MYLK: variants seen among roughly 807,000 people sequenced by gnomAD.
MYLK encodes the protein myosin light chain kinase.
In MYLK, 106 loss-of-function variants were observed where a neutral mutation model predicts 203.4. That is an observed-to-expected ratio of 0.52 (90% confidence interval 0.45 to 0.61). The LOEUF is 0.61. MYLK is among the 20% of genes least tolerant of loss of function. The pLI is 0.00. For synonymous variants in MYLK, 867 were observed against 959.5 expected (o/e 0.90, Z 1.78); for missense variants, 2,072 against 2,442.3 (o/e 0.85, Z 3.20).
intron 20 of MYLK, among the ~76,000 whole-genome samples, chr3:123,669,516 A>T (rs1220193806): frequency 6.6e-6 from 1 of 151,892 alleles, no homozygotes; most frequent in African/African-American, 2.4e-5. Context: ...GTATTGGATT[A>T]GTGTTAATTT....
At chr3:123,687,734 C>T (rs1248778140) in intron 19 of MYLK, among the ~76,000 whole-genome samples, 1 of 151,704 alleles carries the variant, frequency 6.6e-6, no homozygotes, top group East Asian at 1.9e-4. Flanking sequence ...TACCGTGGTA[C>T]AATCTTGGCT....
intron 1 of MYLK, among the ~76,000 whole-genome samples, chr3:123,878,469 C>T (rs944892746): frequency 1.3e-5 from 2 of 152,222 alleles, no homozygotes; most frequent in Non-Finnish European, 2.9e-5. Flanking sequence ...TGGCAGTGAT[C>T]ACAGGCCAGA....
intron 29 of MYLK, among the ~76,000 whole-genome samples, chr3:123,633,926 T>G (rs936326436): frequency 6.6e-6 from 1 of 152,092 alleles, no homozygotes; most frequent in African/African-American, 2.4e-5. Context: ...CAAGTGATCC[T>G]CCCATCATAG....
chr3:123,700,795 C>G lies in MYLK; in HGVS notation c.2673G>C (p.Glu891Asp). The G allele has an allele frequency of 1.2e-6, 2 of 1,614,248 alleles. No homozygotes were observed. Among genetic ancestry groups the G allele is most frequent in the Non-Finnish European group, 1.7e-6 (2 of 1,180,054 alleles). ...GGTCTCGGAAGTCCAGCTGCTCCAC[C>G]TCCTGCTGGCGGATCGCCTCCTCAG... The part of the protein sequence containing the change: ...QHTEEAIRQQ[E>D]VEQLDFRDLL... The change falls in exon 18 of 34, where the codon GAG (glutamate) becomes GAC (aspartate). Residue 891 changes from glutamate to aspartate, a missense_variant. Around this residue, in one of 3 missense-constraint regions of MYLK, gnomAD observed 865 missense variants for 1,016.0 expected, o/e 0.85. Coordinates refer to ENST00000360304, the MANE Select transcript of MYLK (RefSeq NM_053025.4).
At chr3:123,833,026 C>T (rs1275944067) in intron 2 of MYLK, among the ~76,000 whole-genome samples, 1 of 152,006 alleles carries the variant, frequency 6.6e-6, no homozygotes, top group Non-Finnish European at 1.5e-5. Flanking sequence ...GAAAAGGAAA[C>T]GGGAGAGACG....
intron 18 of MYLK, among the ~76,000 whole-genome samples, chr3:123,695,621 G>T (rs1405764963): frequency 1.3e-5 from 2 of 152,224 alleles, no homozygotes; most frequent in African/African-American, 2.4e-5. Flanking sequence ...TTAGAATAAT[G>T]CCTTGCTCAT....
At chr3:123,799,491 T>C (rs1412382534) in intron 3 of MYLK, among the ~76,000 whole-genome samples, 2 of 152,168 alleles carry the variant, frequency 1.3e-5, no homozygotes, top group Non-Finnish European at 2.9e-5. Flanking sequence ...ACATTTTAAA[T>C]GATCATTGTC....
intron 11 of MYLK, among the ~76,000 whole-genome samples, chr3:123,729,563 C>G (rs2062405546): frequency 6.6e-6 from 1 of 152,204 alleles, no homozygotes; most frequent in South Asian, 2.1e-4. Context: ...CTCAAAATCA[C>G]TAGTCATCAG....
At chr3:123,878,289 A>C (rs1231878157) in intron 1 of MYLK, among the ~76,000 whole-genome samples, 1 of 152,204 alleles carries the variant, frequency 6.6e-6, no homozygotes, top group Non-Finnish European at 1.5e-5. Context: ...AAGGTGCACA[A>C]TCTGAGACCT....
intron 2 of MYLK, among the ~76,000 whole-genome samples, chr3:123,833,224 A>AC (rs1487768339): frequency 6.6e-6 from 1 of 152,126 alleles, no homozygotes; most frequent in African/African-American, 2.4e-5. Flanking sequence ...CTCAAGCAGA[A>AC]CAGGTGTTTC....
intron 2 of MYLK, among the ~76,000 whole-genome samples, chr3:123,853,365 A>C (rs1401631227): frequency 1.3e-5 from 2 of 152,118 alleles, no homozygotes; most frequent in Non-Finnish European, 2.9e-5. Context: ...AAGGCTTTTT[A>C]AGGGGGAGAA....
intron 18 of MYLK, among the ~76,000 whole-genome samples, chr3:123,695,883 C>G (rs554688271): frequency 6.6e-6 from 1 of 152,284 alleles, no homozygotes; most frequent in African/African-American, 2.4e-5. Flanking sequence ...CTCACGGGAC[C>G]ATCGGCCTCC....
chr3:123,795,669 G>A (rs2064959470), intron 3 of MYLK, among the ~76,000 whole-genome samples: 1 of 152,216 alleles, frequency 6.6e-6, no homozygotes, highest in African/African-American at 2.4e-5. Context: ...AAGTGTCCCT[G>A]TCCCAGGTTC....
At chr3:123,701,376 G>A in intron 17 of MYLK, 62 bp downstream of exon 17, 1 of 1,548,216 alleles carries the variant, frequency 6.5e-7, no homozygotes, top group Middle Eastern at 1.8e-4. Context: ...GGAGCTGCCG[G>A]GGCCAGGAGG....
chr3:123,701,661 G>A (rs1052635712), intron 16 of MYLK, 152 bp from the exon 17 acceptor site: 85 of 741,338 alleles, frequency 1.1e-4, no homozygotes, highest in Non-Finnish European at 4.6e-5. Context: ...TTTAGGGCAG[G>A]ACCCTCTCAC....
intron 19 of MYLK, among the ~76,000 whole-genome samples, chr3:123,689,202 G>T (rs2060571202): frequency 6.6e-6 from 1 of 152,192 alleles, no homozygotes; most frequent in South Asian, 2.1e-4. Flanking sequence ...GGGGACAGGA[G>T]GCCTGAGTTG....
intron 33 of MYLK, among the ~76,000 whole-genome samples, 168 bp from the exon 34 acceptor site, chr3:123,614,517 G>A (rs1438685487): frequency 1.3e-5 from 2 of 152,190 alleles, no homozygotes; most frequent in Non-Finnish European, 2.9e-5. Context: ...ATATGGACAT[G>A]TCTTGTAAAT....
intron 1 of MYLK, among the ~76,000 whole-genome samples, chr3:123,877,865 C>A (rs2033264257): frequency 6.6e-6 from 1 of 152,186 alleles, no homozygotes; most frequent in South Asian, 2.1e-4. Flanking sequence ...CTGCTTGAGT[C>A]ATGTTCTGTG....
chr3:123,858,044 G>C (rs912359324), intron 2 of MYLK, among the ~76,000 whole-genome samples: 1 of 152,174 alleles, frequency 6.6e-6, no homozygotes, highest in African/African-American at 2.4e-5. Flanking sequence ...GGTACCCGCT[G>C]GTATTGGATT....
Sources: allele counts gnomAD v4.1 joint callset (sites outside exome capture counted in the v4.1 genomes callset), GRCh38; gene constraint gnomAD v4.1.1; regional missense constraint gnomAD v4.1.1; transcripts MANE v1.5; gene names NCBI Gene and HGNC (gene_info 2026-07-23, HGNC 2026-07-21).